DLGAP2: variants seen among roughly 807,000 people sequenced by gnomAD.
DLGAP2 encodes the protein DLG associated protein 2.
Under a neutral mutation model 100.3 loss-of-function variants are expected in DLGAP2, and 26 were observed. That is an observed-to-expected ratio of 0.26 (90% CI 0.19 to 0.36). The LOEUF (loss-of-function observed/expected upper bound fraction) is 0.36, where lower values mean the gene tolerates loss of function less well. Among genes scored for constraint, DLGAP2 ranks in the 10% least tolerant of loss-of-function variants. DLGAP2 has a pLI of 1.00. For missense variants in DLGAP2, 1,858 were observed against 1,453.2 expected (o/e 1.28, Z -4.53); for synonymous variants, 886 against 630.1 (o/e 1.41, Z -6.08).
chr8:981,406 C>T (rs768992175), intron 2 of DLGAP2, among the ~76,000 whole-genome samples: 1 of 152,028 alleles, frequency 6.6e-6, no homozygotes, highest in Non-Finnish European at 1.5e-5. Context: ...TCCCAGTGTC[C>T]ACTTGAGTCT....
chr8:861,257 A>C (rs1301117377), intron 1 of DLGAP2, among the ~76,000 whole-genome samples: 2 of 152,192 alleles, frequency 1.3e-5, no homozygotes, highest in Non-Finnish European at 2.9e-5. Context: ...CACGGGAGCT[A>C]GGAGCTGCGT....
At chr8:1,417,697 C>CT (rs376235081) in intron 3 of DLGAP2, among the ~76,000 whole-genome samples, 3 of 76,748 alleles carry the variant, frequency 3.9e-5, no homozygotes, top group Admixed American at 1.4e-4. Flanking sequence ...ACAGGGGGCC[C>CT]CACTCCTGCC....
chr8:1,502,226 C>T (rs1007237492), intron 4 of DLGAP2, among the ~76,000 whole-genome samples: 2 of 152,224 alleles, frequency 1.3e-5, no homozygotes, highest in African/African-American at 4.8e-5. Flanking sequence ...TTTCTCAAGC[C>T]ACTGACAGCT....
At chr8:1,189,451 A>C (rs1383061639) in intron 2 of DLGAP2, among the ~76,000 whole-genome samples, 1 of 152,226 alleles carries the variant, frequency 6.6e-6, no homozygotes, top group Non-Finnish European at 1.5e-5. Context: ...GGTCACCACC[A>C]AGAGACGTTT....
chr8:873,207 C>T (rs942914402), intron 1 of DLGAP2, among the ~76,000 whole-genome samples: 5 of 152,204 alleles, frequency 3.3e-5, no homozygotes, highest in Non-Finnish European at 7.3e-5. Flanking sequence ...TTGCCAAACT[C>T]ATTTATTAAT....
chr8:1,496,753 G>A (rs547795176), intron 3 of DLGAP2, among the ~76,000 whole-genome samples: 3 of 152,278 alleles, frequency 2.0e-5, no homozygotes, highest in South Asian at 4.1e-4. Flanking sequence ...GTGTTCACTC[G>A]GGACAGGTCC....
At chr8:1,507,500 A>G (rs1002991346) in intron 4 of DLGAP2, among the ~76,000 whole-genome samples, 8 of 151,620 alleles carry the variant, frequency 5.3e-5, no homozygotes, top group Non-Finnish European at 1.0e-4. Flanking sequence ...ATGAGCCCAC[A>G]CCTCTCCCTC....
chr8:816,400 C>T (rs1349346371), intron 1 of DLGAP2, among the ~76,000 whole-genome samples: 1 of 151,532 alleles, frequency 6.6e-6, no homozygotes, highest in East Asian at 1.9e-4. Flanking sequence ...TGTAGCAGTT[C>T]TTATAGTGCT....
intron 2 of DLGAP2, among the ~76,000 whole-genome samples, chr8:941,705 C>T (rs1446836276): frequency 1.3e-5 from 2 of 152,190 alleles, no homozygotes; most frequent in African/African-American, 2.4e-5. Context: ...TGTTATTATT[C>T]TTTGTGCGGC....
intron 2 of DLGAP2, among the ~76,000 whole-genome samples, chr8:998,342 C>G (rs1365269125): frequency 6.6e-6 from 1 of 152,176 alleles, no homozygotes; most frequent in Non-Finnish European, 1.5e-5. Flanking sequence ...GCTCTGTCAC[C>G]CAGGCTGGAG....
intron 1 of DLGAP2, among the ~76,000 whole-genome samples, chr8:808,043 T>C (rs1431723445): frequency 1.3e-5 from 2 of 152,160 alleles, no homozygotes; most frequent in Non-Finnish European, 2.9e-5. Flanking sequence ...AAGTCCCGGC[T>C]TTGCTTCTGG....
In DLGAP2 at chr8:1,041,881, A is replaced by G. The variant is rs1802363447; in HGVS notation, c.73+133915A>G. ...TTTGCCGTGGGTCAGCTGGACTCTC[A>G]CCATGCGGAAGAATGTCGGGTAACC... On this transcript the variant is annotated intron_variant, in intron 2 of 14. Transcript: ENST00000637795. Among the ~76,000 whole-genome samples the G allele has an allele frequency of 2.0e-5, 3 of 152,088 alleles. 1 individual carries two copies. The South Asian group carries it at 6.2e-4, about 31-fold the overall frequency.
At chr8:1,447,024 G>C (rs906162158) in intron 3 of DLGAP2, among the ~76,000 whole-genome samples, 2 of 152,150 alleles carry the variant, frequency 1.3e-5, no homozygotes, top group Non-Finnish European at 1.5e-5. Flanking sequence ...GATATACAAT[G>C]ATGTCGTCTG....
At chr8:1,433,053 G>C (rs1375901442) in intron 3 of DLGAP2, among the ~76,000 whole-genome samples, 1 of 152,180 alleles carries the variant, frequency 6.6e-6, no homozygotes, top group African/African-American at 2.4e-5. Context: ...CCAAGTTTTA[G>C]TCCCAGGGCA....
intron 3 of DLGAP2, among the ~76,000 whole-genome samples, chr8:1,446,342 A>G (rs957264491): frequency 7.9e-5 from 12 of 152,124 alleles, no homozygotes; most frequent in Non-Finnish European, 1.5e-4. Flanking sequence ...CATTTATTAA[A>G]TAGGGAATCC....
At chr8:1,326,348 T>C (rs1801020234) in intron 3 of DLGAP2, among the ~76,000 whole-genome samples, 1 of 152,242 alleles carries the variant, frequency 6.6e-6, no homozygotes, top group Non-Finnish European at 1.5e-5. Context: ...ACTAAAAAAG[T>C]ACTTTAATAT....
chr8:1,451,907 G>T (rs1224966333), intron 3 of DLGAP2, among the ~76,000 whole-genome samples: 3 of 152,228 alleles, frequency 2.0e-5, no homozygotes. Flanking sequence ...CACACACACG[G>T]CCCAGGCCCC....
Position 1,530,856 on chromosome 8 carries a change from T to C in DLGAP2, c.173-17770T>C, listed in dbSNP as rs1800966237. ...CTTCCCCACTTCCAGCAGAGGTAGGTGAAGACTTGGGGTCAGAAGAGACTG... is the reference window on the plus strand; with the variant it reads ...CTTCCCCACTTCCAGCAGAGGTAGGCGAAGACTTGGGGTCAGAAGAGACTG... On this transcript the variant is annotated intron_variant, in intron 4 of 14. Coordinates refer to ENST00000637795, the MANE Select transcript of DLGAP2 (RefSeq NM_001346810.2). Among the ~76,000 whole-genome samples the C allele has an allele frequency of 2.0e-5, 3 of 152,276 alleles. No homozygotes were observed. In the South Asian group the frequency reaches 6.2e-4, roughly 32 times the overall value.
At position 1,122,834 on chromosome 8, in the gene DLGAP2, C is replaced by T. The variant is rs1036216429; in HGVS notation, c.74-136017C>T. On this transcript the variant is annotated intron_variant, in intron 2 of 14. Transcript: ENST00000637795. ...TGAAAATACCATTTCTCTCATTTCTCCTGACCAGTAGCTCCCCTCGTATTT... is the reference window on the plus strand; with the variant it reads ...TGAAAATACCATTTCTCTCATTTCTTCTGACCAGTAGCTCCCCTCGTATTT... Among the ~76,000 whole-genome samples the T allele has an allele frequency of 2.0e-5, 3 of 151,696 alleles. No homozygotes were observed. In the East Asian group the frequency reaches 5.8e-4, roughly 29 times the overall value.
Sources: gnomAD v4.1 joint callset for allele counts (sites outside exome capture counted in the v4.1 genomes callset) on GRCh38, gnomAD v4.1.1 for gene constraint, MANE v1.5 for transcripts, NCBI Gene and HGNC (gene_info 2026-07-23, HGNC 2026-07-21) for gene names.